Variants in HOMER2 observed in about 807,000 individuals in gnomAD.
HOMER2 encodes the protein homer protein homolog 2.
HOMER2 carries 27 observed loss-of-function variants against 47.0 expected under a neutral mutation model. The ratio of observed to expected loss-of-function variants is 0.57; its 90% CI spans 0.42 to 0.79. The LOEUF is 0.79. HOMER2 is among the 30% of genes least tolerant of loss of function. HOMER2 has a pLI of 0.00. For synonymous variants in HOMER2, 161 were observed against 163.8 expected (o/e 0.98, Z 0.13); for missense variants, 443 against 435.0 (o/e 1.02, Z -0.16).
rs189038679 is a variant in HOMER2, at chr15:82,929,438, C to A, written c.5+23093G>T. Among the ~76,000 whole-genome samples the A allele has an allele frequency of 2.6e-5, 4 of 151,970 alleles. No individual in the cohort carries two copies. The East Asian group carries it at 7.8e-4, about 30-fold the overall frequency. The stretch of plus-strand genomic sequence containing the variant: ...TGGGAGGTCAAGGCGGGTGGAACAC[C>A]TGAGGTCAGGAGTTCAAGACCAGCC... On this transcript the variant is annotated intron_variant, in intron 1 of 8. Transcript: ENST00000450735.
intron 4 of HOMER2, among the ~76,000 whole-genome samples, chr15:82,863,394 A>G (rs943974168): frequency 6.6e-6 from 1 of 152,178 alleles, no homozygotes; most frequent in Non-Finnish European, 1.5e-5. Flanking sequence ...TAAATAAAAA[A>G]TTACCCAGTA....
At chr15:82,906,723 C>T (rs976022777) in intron 1 of HOMER2, among the ~76,000 whole-genome samples, 6 of 152,032 alleles carry the variant, frequency 3.9e-5, no homozygotes, top group Admixed American at 3.3e-4. Flanking sequence ...CGTGAGCCAC[C>T]GCGCCCAGCC....
chr15:82,862,070 C>CTT (rs57065775), intron 4 of HOMER2, among the ~76,000 whole-genome samples: 5 of 145,932 alleles, frequency 3.4e-5, no homozygotes, highest in Non-Finnish European at 6.1e-5. Flanking sequence ...CTTTCTCTCT[C>CTT]TTTTTTTTTT....
intron 5 of HOMER2, 105 bp from the exon 6 acceptor site, chr15:82,854,905 G>T (rs1389932145): frequency 7.6e-7 from 1 of 1,315,642 alleles, no homozygotes; most frequent in Non-Finnish European, 1.0e-6. Context: ...CCCCTGGGGG[G>T]CCCACGCCCT....
intron 5 of HOMER2, among the ~76,000 whole-genome samples, chr15:82,855,566 G>A (rs1236206490): frequency 6.6e-6 from 1 of 152,160 alleles, no homozygotes; most frequent in Non-Finnish European, 1.5e-5. Context: ...TGGCTCCGGG[G>A]AATAATGGTC....
chr15:82,850,385 G>C (rs1001255765), intron 8 of HOMER2, among the ~76,000 whole-genome samples: 4 of 152,206 alleles, frequency 2.6e-5, no homozygotes, highest in African/African-American at 9.6e-5. Context: ...AGGAAGGACT[G>C]GCCATGCCAA....
At chr15:82,978,976 C>T (rs1364743879) in intron 1 of HOMER2, among the ~76,000 whole-genome samples, 1 of 152,192 alleles carries the variant, frequency 6.6e-6, no homozygotes, top group African/African-American at 2.4e-5. Flanking sequence ...GCCTTGGCCT[C>T]CCAAAGTGCT....
At chr15:82,936,185 C>T (rs1219997551) in intron 1 of HOMER2, among the ~76,000 whole-genome samples, 1 of 152,222 alleles carries the variant, frequency 6.6e-6, no homozygotes, top group East Asian at 1.9e-4. Context: ...ACCTAGAACG[C>T]TCTGCTCCCT....
At position 82,864,207 on chromosome 15, in the gene HOMER2, T is replaced by C. The variant is rs1275050750; in HGVS notation, c.347A>G (p.Lys116Arg). The C allele has an allele frequency of 1.9e-6, 3 of 1,612,180 alleles. No homozygotes were observed. The highest frequency in any genetic ancestry group is 2.5e-6 in the Non-Finnish European group (3 of 1,179,090). Residue 116 changes from lysine to arginine, a missense_variant, in exon 4 of 9, where the codon AAG becomes AGG. Physicochemically the swap from Lys to Arg is conservative, Grantham distance 26 (BLOSUM62 2). Transcript: ENST00000450735. ...TGAGGTCTCGATTTTCTCCTGCGTCTTGTCTTTGGCTATCTTGGCAGCTTC... is the reference window on the plus strand; with the variant it reads ...TGAGGTCTCGATTTTCTCCTGCGTCCTGTCTTTGGCTATCTTGGCAGCTTC... ...VKEAAKIAKD[K>R]TQEKIETSSN... is the part of the protein sequence containing the mutation.
intron 1 of HOMER2, among the ~76,000 whole-genome samples, chr15:82,984,181 G>A (rs564968888): frequency 6.6e-5 from 10 of 151,426 alleles, no homozygotes; most frequent in Non-Finnish European, 7.4e-5. Context: ...TACAGGCGCC[G>A]GCCACCACGC....
chr15:82,892,943 T>C (rs2052765798), intron 1 of HOMER2, 102 bp from the exon 2 acceptor site: 1 of 875,180 alleles, frequency 1.1e-6, no homozygotes, highest in Admixed American at 3.0e-5. Flanking sequence ...AAATAGCTTA[T>C]AGGGAAACAT....
At position 82,849,724 on chromosome 15, in the gene HOMER2, G is replaced by C. The variant is rs375487342; in HGVS notation, c.1023C>G (p.Thr341=). 420 of 1,613,214 alleles carry C rather than the reference G, an allele frequency of 2.6e-4. 6 individuals carry two copies. In the South Asian group the frequency reaches 4.2e-3, roughly 16 times the overall value. The part of the protein sequence containing the change: ...DFRRGLSKLG[T]DN ...TGGGCCTCGGCCAGCCCTAGTTATC[G>C]GTGCCCAGCTTGGAGAGCCCTCGGC... is the stretch of plus-strand genomic sequence containing the variant. The change falls in exon 9 of 9, where the codon ACC becomes ACG. Residue 341 remains threonine, a synonymous_variant. Transcript: ENST00000450735.
intron 1 of HOMER2, among the ~76,000 whole-genome samples, chr15:82,944,278 C>T (rs1596375770): frequency 6.6e-6 from 1 of 152,164 alleles, no homozygotes; most frequent in African/African-American, 2.4e-5. Context: ...GAAACTGGAT[C>T]ATGATGCCAG....
chr15:82,911,962 G>A (rs932830263), intron 1 of HOMER2, among the ~76,000 whole-genome samples: 11 of 152,212 alleles, frequency 7.2e-5, no homozygotes, highest in East Asian at 5.8e-4. Flanking sequence ...CCCAGGAGGC[G>A]GAGGTTGCAG....
exon 2 of HOMER2, chr15:82,838,907 CTG>C (rs2151581291): frequency 6.6e-6 from 1 of 152,342 alleles, no homozygotes; most frequent in South Asian, 2.1e-4. Flanking sequence ...AAAGCCGGTT[CTG>C]TGTTTGATAC....
intron 3 of HOMER2, 28 bp downstream of exon 3, chr15:82,875,245 T>C (rs2052308964): frequency 6.2e-7 from 1 of 1,610,958 alleles, no homozygotes; most frequent in African/African-American, 1.3e-5. Flanking sequence ...ATGCGGGATT[T>C]ACTGCACTGT....
At chr15:82,891,946 T>C (rs2052722082) in intron 2 of HOMER2, among the ~76,000 whole-genome samples, 1 of 151,080 alleles carries the variant, frequency 6.6e-6, no homozygotes, top group African/African-American at 2.4e-5. Flanking sequence ...ATGTAAAAAA[T>C]GTACAGCAGG....
intron 5 of HOMER2, among the ~76,000 whole-genome samples, chr15:82,856,657 G>A (rs1408933301): frequency 1.3e-5 from 2 of 152,164 alleles, no homozygotes; most frequent in Non-Finnish European, 2.9e-5. Flanking sequence ...TCTCACAATT[G>A]TCTGATGAGT....
intron 1 of HOMER2, among the ~76,000 whole-genome samples, chr15:82,944,740 G>T (rs960575365): frequency 1.4e-5 from 2 of 146,224 alleles, no homozygotes; most frequent in Middle Eastern, 3.5e-3. Context: ...TTTGCCCACG[G>T]TTTTTTTTTT....
Sources: allele counts gnomAD v4.1 joint callset (sites outside exome capture counted in the v4.1 genomes callset), GRCh38; gene constraint gnomAD v4.1.1; transcripts MANE v1.5; gene names NCBI Gene and HGNC (gene_info 2026-07-23, HGNC 2026-07-21).